ERC1: variants seen among roughly 807,000 people sequenced by gnomAD.
ERC1 encodes RAB6 interacting protein 2.
In ERC1, 56 loss-of-function variants were observed where a neutral mutation model predicts 132.0. That is an observed-to-expected ratio of 0.42 (90% confidence interval 0.34 to 0.53). The LOEUF (loss-of-function observed/expected upper bound fraction) is 0.53, where lower values mean the gene tolerates loss of function less well. ERC1 is among the 20% of genes least tolerant of loss of function. The probability of loss-of-function intolerance (pLI) is 0.03; values close to 1 mark genes in which losing one functional copy is unlikely to be tolerated. For synonymous variants in ERC1, 478 were observed against 476.1 expected (o/e 1.00, Z -0.05); for missense variants, 1,202 against 1,349.9 (o/e 0.89, Z 1.72).
chr12:1,058,377 A>G (rs950438155), intron 2 of ERC1, among the ~76,000 whole-genome samples: 1 of 152,150 alleles, frequency 6.6e-6, no homozygotes, highest in African/African-American at 2.4e-5. Flanking sequence ...TGCGTTTGGT[A>G]AAAGGTAGGG....
chr12:1,172,264 G>A (rs1953147295), intron 8 of ERC1, among the ~76,000 whole-genome samples: 1 of 152,168 alleles, frequency 6.6e-6, no homozygotes, highest in African/African-American at 2.4e-5. Context: ...GAGGCCAGGA[G>A]TTTGAGACCA....
intron 16 of ERC1, among the ~76,000 whole-genome samples, chr12:1,392,810 C>A (rs1359004862): frequency 6.6e-6 from 1 of 152,048 alleles, no homozygotes; most frequent in Non-Finnish European, 1.5e-5. Context: ...TGGTGGTTTT[C>A]TGTTTTTTTC....
At chr12:1,417,531 G>A (rs1335894765) in intron 17 of ERC1, among the ~76,000 whole-genome samples, 2 of 151,658 alleles carry the variant, frequency 1.3e-5, no homozygotes, top group Non-Finnish European at 2.9e-5. Flanking sequence ...TGTAATCCCA[G>A]CACTTTGGGA....
chr12:1,048,174 ATGT>A (rs1175664025), intron 2 of ERC1, among the ~76,000 whole-genome samples: 3 of 152,044 alleles, frequency 2.0e-5, no homozygotes, highest in African/African-American at 7.3e-5. Context: ...GTTTGCTGCT[ATGT>A]TGTTGCTCTT....
intron 2 of ERC1, among the ~76,000 whole-genome samples, chr12:1,033,622 C>T (rs553557670): frequency 7.9e-5 from 12 of 152,172 alleles, no homozygotes; most frequent in African/African-American, 2.7e-4. Flanking sequence ...TGCCACCATG[C>T]CCGGCTAATT....
intron 18 of ERC1, among the ~76,000 whole-genome samples, chr12:1,451,844 A>T (rs775049083): frequency 6.6e-6 from 1 of 152,146 alleles, no homozygotes; most frequent in Non-Finnish European, 1.5e-5. Flanking sequence ...ATATTTAGAG[A>T]TAAGACCTTT....
intron 4 of ERC1, among the ~76,000 whole-genome samples, chr12:1,106,908 CAA>C (rs1292485700): frequency 1.3e-5 from 2 of 152,028 alleles, no homozygotes; most frequent in South Asian, 2.1e-4. Flanking sequence ...CCAGTGGGGT[CAA>C]GAGGATGTGA....
chr12:1,155,817 A>T (rs1449330176), intron 8 of ERC1, among the ~76,000 whole-genome samples: 1 of 152,132 alleles, frequency 6.6e-6, no homozygotes, highest in Non-Finnish European at 1.5e-5. Flanking sequence ...TGTAGGATTT[A>T]AAAAATGACT....
At chr12:1,023,954 T>A (rs563481127) in intron 1 of ERC1, among the ~76,000 whole-genome samples, 12 of 152,288 alleles carry the variant, frequency 7.9e-5, no homozygotes, top group African/African-American at 2.9e-4. Context: ...TCCATCAGAA[T>A]AGAGGAAGTT....
chr12:1,421,054 T>C (rs1220710622), intron 17 of ERC1, among the ~76,000 whole-genome samples: 2 of 152,194 alleles, frequency 1.3e-5, no homozygotes, highest in East Asian at 3.9e-4. Context: ...GTGTATAATG[T>C]ATAATACTCA....
intron 16 of ERC1, among the ~76,000 whole-genome samples, chr12:1,392,033 A>T (rs930601888): frequency 1.3e-5 from 2 of 152,138 alleles, no homozygotes; most frequent in African/African-American, 2.4e-5. Context: ...AATATTCCTG[A>T]TACTTCTTAA....
At chr12:1,464,113 A>G (rs1192628619) in intron 18 of ERC1, among the ~76,000 whole-genome samples, 1 of 152,196 alleles carries the variant, frequency 6.6e-6, no homozygotes. Flanking sequence ...TGACACAGAT[A>G]TTAAGTATTA....
At chr12:1,467,837 C>T (rs575157157) in intron 18 of ERC1, among the ~76,000 whole-genome samples, 9 of 152,298 alleles carry the variant, frequency 5.9e-5, no homozygotes, top group African/African-American at 1.9e-4. Context: ...AAGGAGCACG[C>T]GGCCTAGATC....
At chr12:1,389,708 T>G (rs73026426) in intron 16 of ERC1, among the ~76,000 whole-genome samples, 4,673 of 152,318 alleles carry the variant, frequency 0.031, 80 homozygotes, top group Middle Eastern at 0.071. Context: ...AAAGCTCTGT[T>G]CCTGGAAATG....
At chr12:1,375,398 C>T (rs2087764240) in intron 16 of ERC1, among the ~76,000 whole-genome samples, 1 of 152,168 alleles carries the variant, frequency 6.6e-6, no homozygotes, top group South Asian at 2.1e-4. Context: ...AGGCCCCTCC[C>T]CTGACACATG....
intron 4 of ERC1, among the ~76,000 whole-genome samples, chr12:1,109,361 C>T (rs764309665): frequency 2.0e-5 from 3 of 152,120 alleles, no homozygotes; most frequent in African/African-American, 7.2e-5. Context: ...TAATTATTCC[C>T]CCATTTTTCT....
At chr12:1,099,018 G>C (rs185300027) in intron 3 of ERC1, among the ~76,000 whole-genome samples, 1 of 152,254 alleles carries the variant, frequency 6.6e-6, no homozygotes, top group East Asian at 1.9e-4. Flanking sequence ...GGATTGGGCC[G>C]TTGCTTTGAA....
intron 16 of ERC1, among the ~76,000 whole-genome samples, chr12:1,374,728 G>A (rs2051843): frequency 0.47 from 71,442 of 151,694 alleles, 18,170 homozygotes; most frequent in African/African-American, 0.66. Context: ...TACAACCTCC[G>A]TATTGTGTTG....
chr12:1,298,792 A>G (rs963585212), intron 15 of ERC1, among the ~76,000 whole-genome samples: 1 of 151,796 alleles, frequency 6.6e-6, no homozygotes, highest in African/African-American at 2.4e-5. Context: ...GCAAGGCTCA[A>G]CTGTATGCTG....
Sources: allele counts gnomAD v4.1 joint callset (sites outside exome capture counted in the v4.1 genomes callset), GRCh38; gene constraint gnomAD v4.1.1; transcripts MANE v1.5; gene names NCBI Gene and HGNC (gene_info 2026-07-23, HGNC 2026-07-21).